ZNF350: variants seen among roughly 807,000 people sequenced by gnomAD.
ZNF350 encodes zinc finger protein 350.
Under a neutral mutation model 13.1 loss-of-function variants are expected in ZNF350, and 5 were observed. The ratio of observed to expected loss-of-function variants is 0.38; its 90% CI spans 0.20 to 0.80. The LOEUF is 0.80. Among genes scored for constraint, ZNF350 ranks in the 30% least tolerant of loss-of-function variants. The pLI, the probability that ZNF350 is intolerant of heterozygous loss-of-function variation, is 0.43. For missense variants in ZNF350, 534 were observed against 644.2 expected (o/e 0.83, Z 1.85); for synonymous variants, 199 against 224.2 (o/e 0.89, Z 1.00).
chr19:51,983,305 C>T (rs1463786869), intron 1 of ZNF350, among the ~76,000 whole-genome samples: 1 of 152,168 alleles, frequency 6.6e-6, no homozygotes, highest in Non-Finnish European at 1.5e-5. Context: ...AAGGTTTCCT[C>T]CCACTGATAC....
chr19:51,966,293 T>TG, intron 4 of ZNF350, 79 bp from the exon 5 acceptor site: 1 of 1,442,692 alleles, frequency 6.9e-7, no homozygotes. Context: ...TTTTTTTGTT[T>TG]TTTTTTTTAA....
chr19:51,965,240 T>TA lies in ZNF350; in HGVS notation c.1212dup (p.Asn405Ter), dbSNP rs757355164. On this transcript the variant is annotated frameshift_variant, in exon 5 of 5. Coordinates refer to ENST00000243644, the MANE Select transcript of ZNF350 (RefSeq NM_021632.4). LOFTEE classifies it low-confidence loss of function (END_TRUNC). Reference sequence around the variant, plus strand: ...TACGCAAACGCTTTCCCACACTCGTTACAGCCATAGGGTCTCTCTCCTGTA... The same window carrying TA: ...TACGCAAACGCTTTCCCACACTCGTTAACAGCCATAGGGTCTCTCTCCTGTA... 4 of 1,614,220 alleles carry TA rather than the reference T, an allele frequency of 2.5e-6. No individual in the cohort carries two copies. The South Asian group carries it at 4.4e-5, about 18-fold the overall frequency.
intron 2 of ZNF350, chr19:51,974,068 C>CA (rs2085818990): frequency 3.4e-6 from 1 of 293,972 alleles, no homozygotes; most frequent in Admixed American, 4.7e-5. Flanking sequence ...CATTGGCTGT[C>CA]AGAGATATTA....
At chr19:51,975,565 A>G (rs759514674) in intron 1 of ZNF350, among the ~76,000 whole-genome samples, 3 of 152,170 alleles carry the variant, frequency 2.0e-5, no homozygotes, top group Non-Finnish European at 4.4e-5. Flanking sequence ...GAGCAAATAC[A>G]ATGCATTTAG....
rs1214226503 is a variant in ZNF350 at position 51,965,833 on chromosome 19, A to C, written c.620T>G (p.Val207Gly). ...GAAGGCTTTCCCACATTCACTGCAC[A>C]CATGATGCTTCTCTAATTTTCGTGT... is the stretch of plus-strand genomic sequence containing the variant. ...QKTRKLEKHH[V>G]CSECGKAFIK... Residue 207 changes from valine (V) to glycine (G), a missense_variant, in exon 5 of 5, where the codon GTG (valine) becomes GGG (glycine). By Grantham distance (109) the Val-to-Gly change is moderately radical (BLOSUM62 -3). Coordinates refer to ENST00000243644, the MANE Select transcript of ZNF350 (RefSeq NM_021632.4). The C allele has an allele frequency of 6.2e-7, 1 of 1,614,176 alleles. No homozygotes were observed. The highest frequency in any genetic ancestry group is 8.5e-7 in the Non-Finnish European group (1 of 1,180,038).
rs1358185422 is a variant in ZNF350 at position 51,966,126 on chromosome 19, A to T, written c.327T>A (p.Phe109Leu). The change falls in exon 5 of 5, where the codon TTT becomes TTA. Residue 109 changes from phenylalanine (F) to leucine (L), a missense_variant. Transcript: ENST00000243644. ...RRKPCHEHDA[F>L]ENIVHCSKSQ... Reference sequence around the variant, plus strand: ...TTTTGCTGCAATGAACAATATTTTCAAATGCATCATGTTCATGACATGGTT... The same window carrying T: ...TTTTGCTGCAATGAACAATATTTTCTAATGCATCATGTTCATGACATGGTT... The T allele has an allele frequency of 1.9e-5, 31 of 1,614,084 alleles. No individual in the cohort carries two copies. The highest frequency in any genetic ancestry group is 2.5e-5 in the Non-Finnish European group (30 of 1,179,990).
intron 1 of ZNF350, among the ~76,000 whole-genome samples, chr19:51,975,055 C>T (rs1452157941): frequency 6.6e-6 from 1 of 152,268 alleles, no homozygotes; most frequent in African/African-American, 2.4e-5. Flanking sequence ...CAATAATTTA[C>T]TGGATAATTA....
intron 2 of ZNF350, 54 bp downstream of exon 2, chr19:51,974,292 T>C (rs1399919776): frequency 6.3e-7 from 1 of 1,599,836 alleles, no homozygotes; most frequent in Non-Finnish European, 8.5e-7. Context: ...TATAGGCTTC[T>C]ACAAATCTAT....
At chr19:51,972,312 A>G (rs2085761627) in intron 2 of ZNF350, among the ~76,000 whole-genome samples, 1 of 149,964 alleles carries the variant, frequency 6.7e-6, no homozygotes, top group South Asian at 2.1e-4. Flanking sequence ...AAAAAAAAGG[A>G]AAAAAGAAAA....
At chr19:51,967,306 T>C (rs1056166438) in intron 4 of ZNF350, 5 of 152,024 alleles carry the variant, frequency 3.3e-5, no homozygotes, top group African/African-American at 9.7e-5. Context: ...GTGTTGGGGA[T>C]AGGCACAAGA....
chr19:51,976,536 G>C lies in ZNF350; in HGVS notation c.-171-2005C>G, dbSNP rs978685230. ...AGGAACTGAAATTGACAAGGCGAAA[G>C]GGGACCCTGGGAAGAGTCTGCCGGC... On this transcript the variant is annotated intron_variant, in intron 1 of 4. Transcript: ENST00000243644. This position sits in a 1 kb window ranked among gnomAD's most constrained non-coding sequence, Gnocchi z 4.5. 6.6e-6 allele frequency: 1 copy of C among 152,356 alleles called. No individual in the cohort carries two copies. The highest frequency in any genetic ancestry group is 6.5e-5 in the Admixed American group (1 of 15,286). 9.4% of individuals were successfully genotyped at this position (152,356 alleles called of 1,614,324 possible). A position where few individuals can be genotyped will look rare whatever the true frequency, so the allele number is the denominator to read the frequency against.
chr19:51,966,212 T>C lies in ZNF350; in HGVS notation c.241A>G (p.Ile81Val). The part of the protein sequence containing the change: ...DGIHSGACSD[I>V]WKVDHVLERL... ...TCCAGCACATGATCAACTTTCCATA[T>C]GTCTAGAAAGAAAAGAACAAAGATT... The change falls in exon 5 of 5, where the codon ATA (isoleucine) becomes GTA (valine). Residue 81 changes from isoleucine (I) to valine (V), a missense_variant and splice_region_variant. By Grantham distance (29) the Ile-to-Val change is conservative. Transcript: ENST00000243644. 2 of 1,556,566 alleles carry C rather than the reference T, an allele frequency of 1.3e-6. No individual in the cohort carries two copies. Among genetic ancestry groups the C allele is most frequent in the East Asian group, 2.3e-5 (1 of 44,186 alleles).
intron 1 of ZNF350, chr19:51,984,161 A>T (rs977306019): frequency 1.3e-5 from 2 of 150,450 alleles, no homozygotes; most frequent in African/African-American, 4.9e-5. Context: ...GGGCGACGAG[A>T]GCAAGACTCT....
rs1237744508 is a variant in ZNF350 at position 51,964,568 on chromosome 19, C to T, written c.*286G>A. On this transcript the variant is annotated 3_prime_UTR_variant, in exon 5 of 5. Transcript: ENST00000243644. ...AGCTTTTCAGTCACTGCAACACTCC[C>T]GACACCAATTATCTCATCTGTTTTA... 5 of 434,886 alleles carry T rather than the reference C, an allele frequency of 1.1e-5. No individual in the cohort carries two copies. Among genetic ancestry groups the T allele is most frequent in the East Asian group, 4.1e-5 (1 of 24,552 alleles). The allele number at this position is 434,886 out of a possible 1,614,324, so 26.9% of individuals were successfully genotyped here.
In ZNF350 at chr19:51,969,764, G is replaced by A. The variant is rs58922763; in HGVS notation, c.16-633C>T. On this transcript the variant is annotated intron_variant, in intron 2 of 4. Coordinates refer to ENST00000243644, the MANE Select transcript of ZNF350 (RefSeq NM_021632.4). ...GGCTCATTTGAGCCTAGGAGTTAGA[G>A]ACTACACTGAGTTATGACCATGCTA... Among the ~76,000 whole-genome samples the A allele has an allele frequency of 4.3e-3, 649 of 152,260 alleles. 7 individuals are homozygous for A. Among genetic ancestry groups the A allele is most frequent in the African/African-American group, 0.015 (615 of 41,540 alleles).
In ZNF350 at chr19:51,964,819, C is replaced by T. The variant is rs368420670; in HGVS notation, c.*35G>A. The T allele has an allele frequency of 3.2e-6, 5 of 1,571,122 alleles. No individual in the cohort carries two copies. Among genetic ancestry groups the T allele is most frequent in the African/African-American group, 2.7e-5 (2 of 73,584 alleles). On this transcript the variant is annotated 3_prime_UTR_variant, in exon 5 of 5. Transcript: ENST00000243644. Reference sequence around the variant, plus strand: ...CCACATAATGAACTACAAATTTTTGCTCAACCCTTTTCCACATAGATCTGA... The same window carrying T: ...CCACATAATGAACTACAAATTTTTGTTCAACCCTTTTCCACATAGATCTGA...
intron 1 of ZNF350, among the ~76,000 whole-genome samples, chr19:51,983,861 T>C (rs1032489213): frequency 2.6e-5 from 4 of 152,202 alleles, no homozygotes; most frequent in African/African-American, 9.7e-5. Context: ...CTCTGTACTT[T>C]CTCTCTGTGT....
chr19:51,979,819 TGGC>T (rs957949852), intron 1 of ZNF350, among the ~76,000 whole-genome samples: 1 of 152,222 alleles, frequency 6.6e-6, no homozygotes, highest in Non-Finnish European at 1.5e-5. Context: ...TCACTGGCAT[TGGC>T]GGCAAGCTTT....
chr19:51,967,636 C>T lies in ZNF350; in HGVS notation c.238+942G>A, dbSNP rs531869254. ...CATCAGAATACGATGGGGAAAAAAA[C>T]GAAAGCAAATTATTAAATACAGAAA... On this transcript the variant is annotated intron_variant, in intron 4 of 4. Coordinates refer to ENST00000243644, the MANE Select transcript of ZNF350 (RefSeq NM_021632.4). Among the ~76,000 whole-genome samples the T allele has an allele frequency of 4.1e-4, 62 of 151,906 alleles. No homozygotes were observed. The East Asian group carries it at 9.9e-3, about 24-fold the overall frequency.
Sources: gnomAD v4.1 joint callset for allele counts (sites outside exome capture counted in the v4.1 genomes callset) on GRCh38, gnomAD v4.1.1 for gene constraint, Gnocchi (gnomAD v3.1) non-coding constraint, MANE v1.5 for transcripts, NCBI Gene and HGNC (gene_info 2026-07-23, HGNC 2026-07-21) for gene names.